The following SEMA3C variants were observed in gnomAD, a reference collection of about 807,000 sequenced individuals.
The protein encoded by SEMA3C is semaphorin 3C.
Under a neutral mutation model 89.4 loss-of-function variants are expected in SEMA3C, and 47 were observed. The observed-to-expected ratio is 0.53, with a 90% CI of 0.42 to 0.67. SEMA3C has a LOEUF of 0.67. SEMA3C is among the 30% of genes least tolerant of loss of function. The probability of loss-of-function intolerance (pLI) is 0.00; values close to 1 mark genes in which losing one functional copy is unlikely to be tolerated. For missense variants in SEMA3C, 839 were observed against 929.1 expected (o/e 0.90, Z 1.26); for synonymous variants, 310 against 320.2 (o/e 0.97, Z 0.34).
intron 2 of SEMA3C, among the ~76,000 whole-genome samples, chr7:80,858,879 C>A (rs571959522): frequency 1.3e-5 from 2 of 152,078 alleles, no homozygotes; most frequent in Non-Finnish European, 2.9e-5. Context: ...AATAACTGAA[C>A]CCAAGATGTG....
chr7:80,897,536 AGAG>A (rs1165196736), intron 2 of SEMA3C, among the ~76,000 whole-genome samples: 4 of 152,182 alleles, frequency 2.6e-5, no homozygotes, highest in African/African-American at 9.6e-5. Context: ...AGTAAAAATG[AGAG>A]GAGATGTTCA....
chr7:80,875,206 G>A (rs143910519), intron 2 of SEMA3C, among the ~76,000 whole-genome samples: 338 of 152,030 alleles, frequency 2.2e-3, no homozygotes, highest in African/African-American at 7.5e-3. Flanking sequence ...GGATGGTTGC[G>A]TGACAAATAC....
At position 80,767,344 on chromosome 7, in the gene SEMA3C, C is replaced by T. The variant is rs1788327877; in HGVS notation, c.1355-2101G>A. Among the ~76,000 whole-genome samples the T allele has an allele frequency of 2.6e-5, 4 of 152,228 alleles. 1 individual carries two copies. In the South Asian group the frequency reaches 8.3e-4, roughly 32 times the overall value. ...AGCTGAATCAAATCAGAAATTTACT[C>T]ATATGTCCCAATTACAGATAGCCAA... On this transcript the variant is annotated intron_variant, in intron 12 of 17. Transcript: ENST00000265361.
intron 2 of SEMA3C, among the ~76,000 whole-genome samples, chr7:80,883,674 A>C (rs1791405791): frequency 6.6e-6 from 1 of 152,190 alleles, no homozygotes; most frequent in African/African-American, 2.4e-5. Flanking sequence ...TCTGGACACA[A>C]ATGAAGGCTC....
upstream of SEMA3C, chr7:80,919,380 G>C: frequency 2.0e-6 from 2 of 985,326 alleles, no homozygotes; most frequent in South Asian, 4.7e-5. Context: ...TGCTGGGTGC[G>C]CTCCACGGTT....
intron 11 of SEMA3C, among the ~76,000 whole-genome samples, chr7:80,792,353 A>T (rs528124855): frequency 3.3e-5 from 5 of 152,236 alleles, no homozygotes; most frequent in Non-Finnish European, 7.3e-5. Flanking sequence ...TGCATGGGTA[A>T]TTTAAATAGT....
intron 2 of SEMA3C, among the ~76,000 whole-genome samples, chr7:80,893,679 T>C (rs1385033666): frequency 6.6e-6 from 1 of 151,964 alleles, no homozygotes; most frequent in Non-Finnish European, 1.5e-5. Flanking sequence ...AAGGCTTGGG[T>C]GGAGGGGTCA....
At chr7:80,892,686 C>G (rs898668234) in intron 2 of SEMA3C, among the ~76,000 whole-genome samples, 1 of 152,066 alleles carries the variant, frequency 6.6e-6, no homozygotes, top group Non-Finnish European at 1.5e-5. Flanking sequence ...GACATGTTGT[C>G]TAACAGGTAT....
intron 2 of SEMA3C, among the ~76,000 whole-genome samples, chr7:80,839,892 T>C (rs1231696340): frequency 6.6e-6 from 1 of 152,110 alleles, no homozygotes; most frequent in Non-Finnish European, 1.5e-5. Flanking sequence ...CATTTAACAC[T>C]AGTCTTTCAC....
intron 2 of SEMA3C, among the ~76,000 whole-genome samples, chr7:80,875,478 T>C (rs1791178901): frequency 6.6e-6 from 1 of 152,192 alleles, no homozygotes; most frequent in Non-Finnish European, 1.5e-5. Flanking sequence ...TCCTTGTTGG[T>C]AGTTTGGCTT....
chr7:80,846,578 A>G (rs1790396229), intron 2 of SEMA3C, among the ~76,000 whole-genome samples: 1 of 152,190 alleles, frequency 6.6e-6, no homozygotes, highest in Non-Finnish European at 1.5e-5. Flanking sequence ...TAATCCTTCC[A>G]TATCAGCCTC....
chr7:80,748,290 G>T (rs1029507963), intron 17 of SEMA3C, among the ~76,000 whole-genome samples: 1 of 151,990 alleles, frequency 6.6e-6, no homozygotes, highest in African/African-American at 2.4e-5. Context: ...AAAAAACCCA[G>T]CTCTTTCTAA....
chr7:80,822,551 A>G (rs1437590788), intron 4 of SEMA3C, among the ~76,000 whole-genome samples: 1 of 152,170 alleles, frequency 6.6e-6, no homozygotes, highest in Non-Finnish European at 1.5e-5. Context: ...CCATCCTACC[A>G]TAGTCTTCAG....
chr7:80,891,930 T>C (rs1791625057), intron 2 of SEMA3C, among the ~76,000 whole-genome samples: 1 of 152,112 alleles, frequency 6.6e-6, no homozygotes, highest in Non-Finnish European at 1.5e-5. Context: ...ACAAGAATAA[T>C]CAACCAGAAA....
intron 12 of SEMA3C, among the ~76,000 whole-genome samples, chr7:80,769,037 T>A (rs1004530572): frequency 1.3e-5 from 2 of 152,230 alleles, no homozygotes; most frequent in Non-Finnish European, 1.5e-5. Flanking sequence ...CTACATTCTT[T>A]CTTGTTTGCA....
In SEMA3C at chr7:80,798,127, A is replaced by G. The variant is rs150981633; in HGVS notation, c.1096T>C (p.Tyr366His). Reference protein sequence around the residue: ...KEGPNHQLISYQGRIPYPRPG... With the variant: ...KEGPNHQLISHQGRIPYPRPG... Reference sequence around the variant, plus strand: ...CGAGGATATGGAATTCTGCCCTGATAGGAAATCAGCTGATGATTGGGCCCT... The same window carrying G: ...CGAGGATATGGAATTCTGCCCTGATGGGAAATCAGCTGATGATTGGGCCCT... Residue 366 changes from tyrosine (Y) to histidine (H), a missense_variant, in exon 11 of 18, where the codon TAT becomes CAT. Transcript: ENST00000265361. The G allele has an allele frequency of 5.0e-6, 8 of 1,607,920 alleles. No homozygotes were observed. In the African/African-American group the frequency reaches 1.1e-4, roughly 22 times the overall value.
Position 80,861,774 on chromosome 7 carries a change from A to G in SEMA3C, c.104-33029T>C, listed in dbSNP as rs555635047. Among the ~76,000 whole-genome samples, 35 of 152,332 alleles carry G rather than the reference A, an allele frequency of 2.3e-4. No individual in the cohort carries two copies. In the South Asian group the frequency reaches 7.0e-3, roughly 31 times the overall value. ...GCATCTCAGATGATTTAACACATGC[A>G]AGTCTGGTTTAACATATGCAAGTCA... is the stretch of plus-strand genomic sequence containing the variant. On this transcript the variant is annotated intron_variant, in intron 2 of 17. Transcript: ENST00000265361.
Position 80,818,669 on chromosome 7 carries a change from A to G in SEMA3C, c.328-251T>C, listed in dbSNP as rs543745162. 2.6e-5 allele frequency among the ~76,000 whole-genome samples: 4 copies of G among 152,286 alleles called. No homozygotes were observed. In the South Asian group the frequency reaches 8.3e-4, roughly 32 times the overall value. On this transcript the variant is annotated intron_variant, in intron 4 of 17. Coordinates refer to ENST00000265361, the MANE Select transcript of SEMA3C (RefSeq NM_006379.5). ...GCTAAAAAAATAAAAATAAAAATAA[A>G]AATCCCCCCAAAAATCTCATGTTTT...
At chr7:80,795,836 A>G (rs1312193179) in intron 11 of SEMA3C, among the ~76,000 whole-genome samples, 1 of 152,130 alleles carries the variant, frequency 6.6e-6, no homozygotes, top group Non-Finnish European at 1.5e-5. Context: ...GCATTTGACA[A>G]TTTCCATGGT....
Sources: gnomAD v4.1 joint callset for allele counts (sites outside exome capture counted in the v4.1 genomes callset) on GRCh38, gnomAD v4.1.1 for gene constraint, MANE v1.5 for transcripts, NCBI Gene and HGNC (gene_info 2026-07-23, HGNC 2026-07-21) for gene names.